KCND3: variants seen among roughly 807,000 people sequenced by gnomAD.
KCND3 encodes A-type voltage-gated potassium channel KCND3.
A neutral mutation model predicts 51.1 loss-of-function variants in KCND3; 9 were observed. The ratio of observed to expected loss-of-function variants is 0.18; its 90% CI spans 0.11 to 0.31. KCND3 has a LOEUF of 0.31. Among genes scored for constraint, KCND3 ranks in the 10% least tolerant of loss-of-function variants. The probability of loss-of-function intolerance (pLI) is 1.00; values close to 1 mark genes in which losing one functional copy is unlikely to be tolerated. For missense variants in KCND3, 526 were observed against 903.8 expected (o/e 0.58, Z 5.36); for synonymous variants, 349 against 368.0 (o/e 0.95, Z 0.59).
At chr1:111,803,998 G>A (rs926153275) in intron 2 of KCND3, among the ~76,000 whole-genome samples, 8 of 152,158 alleles carry the variant, frequency 5.3e-5, no homozygotes, top group Non-Finnish European at 1.0e-4. Context: ...TGTGTCTTAT[G>A]CTACTTTACA....
At chr1:111,949,066 G>A (rs1672928560) in intron 2 of KCND3, among the ~76,000 whole-genome samples, 1 of 152,202 alleles carries the variant, frequency 6.6e-6, no homozygotes, top group Admixed American at 6.5e-5. Context: ...ATGACACGCA[G>A]CCTTTGTCCC....
chr1:111,981,318 C>T lies in KCND3; in HGVS notation c.1106+303G>A. Among the ~76,000 whole-genome samples the T allele has an allele frequency of 6.6e-6, 1 of 151,996 alleles. No homozygotes were observed. The highest frequency in any genetic ancestry group is 1.9e-4 in the East Asian group (1 of 5,194). The stretch of plus-strand genomic sequence containing the variant: ...ATGCATATACAAATGCAGACATCAC[C>T]TCACCCCGAGACTTCACACGCACAC... On this transcript the variant is annotated intron_variant, in intron 2 of 7. Coordinates refer to ENST00000302127, the MANE Select transcript of KCND3 (RefSeq NM_001378969.1). This position sits in a 1 kb window ranked among gnomAD's most constrained non-coding sequence, Gnocchi z 6.2.
intron 1 of KCND3, among the ~76,000 whole-genome samples, chr1:111,988,484 A>G (rs1043002792): frequency 2.0e-5 from 3 of 152,150 alleles, no homozygotes; most frequent in African/African-American, 4.8e-5. Context: ...GGAAAAAATA[A>G]ACACATCAGT....
chr1:111,877,757 T>C (rs936691778), intron 2 of KCND3, among the ~76,000 whole-genome samples: 13 of 152,210 alleles, frequency 8.5e-5, no homozygotes, highest in Non-Finnish European at 1.5e-4. Flanking sequence ...GTCCTTGACC[T>C]TCCTCTTGAA....
intron 3 of KCND3, among the ~76,000 whole-genome samples, chr1:111,783,689 C>G (rs1664483740): frequency 6.6e-6 from 1 of 152,310 alleles, no homozygotes; most frequent in Non-Finnish European, 1.5e-5. Context: ...GAAATTAAAA[C>G]TTATGCTCAC....
chr1:111,812,105 G>A (rs1036651725), intron 2 of KCND3, among the ~76,000 whole-genome samples: 3 of 152,188 alleles, frequency 2.0e-5, no homozygotes, highest in Admixed American at 2.0e-4. Context: ...TGCTTGTGGG[G>A]TGTCGGGCAC....
intron 2 of KCND3, among the ~76,000 whole-genome samples, chr1:111,935,323 A>G (rs1036162923): frequency 6.6e-6 from 1 of 152,134 alleles, no homozygotes; most frequent in Non-Finnish European, 1.5e-5. Flanking sequence ...AGCTTTCTGA[A>G]TTGATTTTAG....
intron 2 of KCND3, among the ~76,000 whole-genome samples, chr1:111,904,686 C>T (rs1263364132): frequency 2.6e-5 from 4 of 152,206 alleles, no homozygotes; most frequent in Non-Finnish European, 4.4e-5. Context: ...ATCGATGCTA[C>T]GCTTGGTGGC....
intron 2 of KCND3, among the ~76,000 whole-genome samples, chr1:111,807,766 C>A (rs757667632): frequency 6.6e-6 from 1 of 152,220 alleles, no homozygotes; most frequent in Non-Finnish European, 1.5e-5. Flanking sequence ...TAGGCTATAT[C>A]ATCTAGGCTT....
intron 2 of KCND3, among the ~76,000 whole-genome samples, chr1:111,889,396 C>G (rs555411684): frequency 6.6e-6 from 1 of 152,356 alleles, no homozygotes; most frequent in South Asian, 2.1e-4. Context: ...GGAGCACTGG[C>G]TCTGTCCTAG....
chr1:111,784,144 C>CA (rs59742862), intron 3 of KCND3, among the ~76,000 whole-genome samples: 17,242 of 149,284 alleles, frequency 0.12, 1,082 homozygotes, highest in Non-Finnish European at 0.14. Flanking sequence ...CACACACACA[C>CA]CAGTCCAAGT....
chr1:111,965,438 C>CCACACACACACACACACACACACACACA lies in KCND3; in HGVS notation c.1106+16155_1106+16182dup, dbSNP rs56156826. Among the ~76,000 whole-genome samples, 133 of 72,408 alleles carry CCACACACACACACACACACACACACACA rather than the reference C, an allele frequency of 1.8e-3. 19 individuals carry two copies. The highest frequency in any genetic ancestry group is 4.1e-3 in the East Asian group (7 of 1,718). The allele number at this position is 72,408 out of a possible 152,430, so 47.5% of individuals were successfully genotyped here. On this transcript the variant is annotated intron_variant, in intron 2 of 7. Transcript: ENST00000302127. The stretch of plus-strand genomic sequence containing the variant: ...CCCCGACCCCTTATGGCCAGCAAAA[C>CCACACACACACACACACACACACACACA]CACACACACACACACACACACACAC...
intron 2 of KCND3, among the ~76,000 whole-genome samples, chr1:111,830,200 T>C (rs1666771645): frequency 1.3e-5 from 2 of 152,202 alleles, no homozygotes; most frequent in South Asian, 4.1e-4. Context: ...TACATATCAA[T>C]TAACAAACAA....
intron 2 of KCND3, among the ~76,000 whole-genome samples, chr1:111,818,055 C>T: frequency 6.6e-6 from 1 of 151,180 alleles, no homozygotes; most frequent in East Asian, 1.9e-4. Flanking sequence ...CACACACACA[C>T]ACACACACAC....
intron 1 of KCND3, among the ~76,000 whole-genome samples, chr1:111,984,729 C>T (rs1032582068): frequency 2.0e-5 from 3 of 152,158 alleles, no homozygotes; most frequent in African/African-American, 7.2e-5. Flanking sequence ...TCCTAGTATC[C>T]AGCAATAAGA....
At chr1:111,843,733 A>G (rs762820458) in intron 2 of KCND3, among the ~76,000 whole-genome samples, 5 of 152,190 alleles carry the variant, frequency 3.3e-5, no homozygotes, top group African/African-American at 7.2e-5. Flanking sequence ...AGGCTCCTCA[A>G]ATTTGAACCT....
intron 2 of KCND3, among the ~76,000 whole-genome samples, chr1:111,875,555 T>A (rs1193136802): frequency 6.6e-6 from 1 of 152,178 alleles, no homozygotes; most frequent in African/African-American, 2.4e-5. Context: ...ACCCTGAGGA[T>A]CAGGGAGAAT....
Position 111,780,769 on chromosome 1 carries a change from C to A in KCND3, c.1292G>T (p.Arg431Leu), listed in dbSNP as rs771703569. ...ATTCGAACTGCCTGTTTTGGCCACA[C>A]GGATCCTGGCAAGGCGGGCCTTCTG... is the stretch of plus-strand genomic sequence containing the variant. ...AQKKARLARI[R>L]VAKTGSSNAY... The change falls in exon 4 of 8, where the codon CGT becomes CTT. Residue 431 changes from arginine (R) to leucine (L), a missense_variant. Arg to Leu is a moderately radical substitution (Grantham distance 102, BLOSUM62 -2). Transcript: ENST00000302127. This position sits in a 1 kb window ranked among gnomAD's most constrained non-coding sequence, Gnocchi z 4.2. 1.1e-5 allele frequency: 18 copies of A among 1,613,378 alleles called. No homozygotes were observed. The highest frequency in any genetic ancestry group is 1.5e-5 in the Non-Finnish European group (18 of 1,179,820).
chr1:111,807,084 T>C (rs908543176), intron 2 of KCND3, among the ~76,000 whole-genome samples: 1 of 152,146 alleles, frequency 6.6e-6, no homozygotes, highest in Non-Finnish European at 1.5e-5. Context: ...AAACCACAGA[T>C]TATCCTTCAA....
Sources: gnomAD v4.1 joint callset for allele counts (sites outside exome capture counted in the v4.1 genomes callset) on GRCh38, gnomAD v4.1.1 for gene constraint, Gnocchi (gnomAD v3.1) non-coding constraint, MANE v1.5 for transcripts, NCBI Gene and HGNC (gene_info 2026-07-23, HGNC 2026-07-21) for gene names.